Variants in ZMAT5 observed in about 807,000 individuals in gnomAD.
ZMAT5 encodes zinc finger matrin-type protein 5.
Under a neutral mutation model 28.0 loss-of-function variants are expected in ZMAT5, and 23 were observed. The observed-to-expected ratio is 0.82, with a 90% CI of 0.59 to 1.16. The LOEUF is 1.16. Among genes scored for constraint, ZMAT5 ranks in the 50% most tolerant of loss-of-function variants. ZMAT5 has a pLI of 0.00. For missense variants in ZMAT5, 173 were observed against 212.7 expected (o/e 0.81, Z 1.16); for synonymous variants, 76 against 84.1 (o/e 0.90, Z 0.52).
At chr22:29,755,397 GA>G in intron 1 of ZMAT5, among the ~76,000 whole-genome samples, 1 of 144,464 alleles carries the variant, frequency 6.9e-6, no homozygotes, top group South Asian at 2.3e-4. Context: ...GAAAGAAAAA[GA>G]AAAGAAAGAA....
At chr22:29,742,338 G>A (rs1304414523) in intron 3 of ZMAT5, 80 bp downstream of exon 3, 1 of 1,451,280 alleles carries the variant, frequency 6.9e-7, no homozygotes, top group South Asian at 1.2e-5. Flanking sequence ...GGTCGGGGAA[G>A]ACACTCTGCA....
At chr22:29,735,610 C>T (rs2067897001) in intron 5 of ZMAT5, among the ~76,000 whole-genome samples, 2 of 152,224 alleles carry the variant, frequency 1.3e-5, no homozygotes, top group South Asian at 2.1e-4. Flanking sequence ...AGCTCTCTCT[C>T]AAGTGAGGGC....
intron 1 of ZMAT5, among the ~76,000 whole-genome samples, chr22:29,757,418 G>C (rs2068113578): frequency 6.6e-6 from 1 of 152,168 alleles, no homozygotes; most frequent in African/African-American, 2.4e-5. Context: ...CCACTCTCAG[G>C]TTGTGTAACT....
At chr22:29,735,916 A>C (rs541860713) in intron 5 of ZMAT5, among the ~76,000 whole-genome samples, 1 of 152,212 alleles carries the variant, frequency 6.6e-6, no homozygotes, top group East Asian at 1.9e-4. Context: ...GGGGCACCCC[A>C]TCTCTACCCC....
intron 1 of ZMAT5, among the ~76,000 whole-genome samples, chr22:29,754,377 G>A: frequency 6.6e-6 from 1 of 152,248 alleles, no homozygotes; most frequent in African/African-American, 2.4e-5. Flanking sequence ...GCAGGTGAGA[G>A]TGCTGGCTTC....
At position 29,748,506 on chromosome 22, in the gene ZMAT5, G is replaced by A; in HGVS notation, c.39C>T (p.Ser13=). ...KRYFCDYCDR[S]FQDNLHNRKK... ...TGCGGTTGTGGAGGTTGTCCTGGAA[G>A]GAGCGGTCGCAGTAGTCACAGAAGT... Residue 13 remains serine (S), a synonymous_variant, in exon 2 of 6, where the codon TCC becomes TCT. Coordinates refer to ENST00000344318, the MANE Select transcript of ZMAT5 (RefSeq NM_001003692.2). 1 of 1,614,256 alleles carries A rather than the reference G, an allele frequency of 6.2e-7. No individual in the cohort carries two copies. The highest frequency in any genetic ancestry group is 8.5e-7 in the Non-Finnish European group (1 of 1,180,046).
At chr22:29,749,098 G>C (rs2068035077) in intron 1 of ZMAT5, among the ~76,000 whole-genome samples, 1 of 151,998 alleles carries the variant, frequency 6.6e-6, no homozygotes, top group Admixed American at 6.5e-5. Flanking sequence ...ATTTTTTTGA[G>C]ACAGAGTCTC....
At chr22:29,742,346 G>A (rs2067969893) in intron 3 of ZMAT5, 72 bp downstream of exon 3, 2 of 1,507,264 alleles carry the variant, frequency 1.3e-6, no homozygotes, top group East Asian at 4.6e-5. Flanking sequence ...AAGACACTCT[G>A]CAGAGGTCCA....
chr22:29,733,954 G>A (rs1257884513), intron 5 of ZMAT5, among the ~76,000 whole-genome samples: 1 of 152,238 alleles, frequency 6.6e-6, no homozygotes, highest in Admixed American at 6.5e-5. Flanking sequence ...TCTGCTCGTA[G>A]CTTCTCTGGT....
At chr22:29,762,135 C>A (rs1027433186) in intron 1 of ZMAT5, among the ~76,000 whole-genome samples, 3 of 151,986 alleles carry the variant, frequency 2.0e-5, no homozygotes, top group African/African-American at 7.3e-5. Context: ...AAAAGAAAAT[C>A]AAATATATTA....
intron 1 of ZMAT5, among the ~76,000 whole-genome samples, chr22:29,759,640 T>C (rs1224951771): frequency 1.3e-5 from 2 of 151,596 alleles, no homozygotes; most frequent in Admixed American, 6.6e-5. Context: ...TGGGGTGTCA[T>C]GTGTCTGTAG....
intron 5 of ZMAT5, among the ~76,000 whole-genome samples, chr22:29,735,781 G>A (rs140340856): frequency 1.8e-4 from 27 of 152,334 alleles, no homozygotes; most frequent in African/African-American, 6.5e-4. Flanking sequence ...ACTTCAACCT[G>A]TGACTAGGAG....
intron 5 of ZMAT5, among the ~76,000 whole-genome samples, chr22:29,737,056 C>T (rs131263): frequency 0.32 from 46,821 of 145,550 alleles, 8,425 homozygotes; most frequent in East Asian, 0.59. Context: ...AGTGTGGTGG[C>T]TCATGCCTGT....
rs2068029805 is a variant in ZMAT5 at position 29,748,539 on chromosome 22, C to T, written c.6G>A (p.Gly2=). The T allele has an allele frequency of 1.2e-6, 2 of 1,614,042 alleles. No individual in the cohort carries two copies. Among genetic ancestry groups the T allele is most frequent in the Non-Finnish European group, 8.5e-7 (1 of 1,180,050 alleles). The change falls in exon 2 of 6, where the codon GGG becomes GGA. Residue 2 remains glycine, a synonymous_variant. Coordinates refer to ENST00000344318, the MANE Select transcript of ZMAT5 (RefSeq NM_001003692.2). M[G]KRYFCDYCDR... is the part of the protein sequence containing the mutation. ...CGCAGTAGTCACAGAAGTATCGCTT[C>T]CCCATGGCCACTCAGAGCAGGTGCT... is the stretch of plus-strand genomic sequence containing the variant.
At chr22:29,755,538 A>G (rs954960595) in intron 1 of ZMAT5, among the ~76,000 whole-genome samples, 5 of 152,016 alleles carry the variant, frequency 3.3e-5, no homozygotes, top group African/African-American at 1.2e-4. Context: ...TTCAGATTTG[A>G]TTCCCGCTTG....
chr22:29,747,350 C>T (rs559234644), intron 2 of ZMAT5: 4 of 152,376 alleles, frequency 2.6e-5, no homozygotes, highest in Non-Finnish European at 5.9e-5. Flanking sequence ...CTTCTGGGCT[C>T]AAACAATCTT....
intron 5 of ZMAT5, among the ~76,000 whole-genome samples, chr22:29,735,669 G>C (rs1454386031): frequency 6.6e-6 from 1 of 152,212 alleles, no homozygotes; most frequent in Non-Finnish European, 1.5e-5. Flanking sequence ...CTCCTGGAGA[G>C]GTTAAGATTC....
chr22:29,751,549 G>C (rs535983573), intron 1 of ZMAT5, among the ~76,000 whole-genome samples: 34 of 152,174 alleles, frequency 2.2e-4, no homozygotes, highest in Non-Finnish European at 4.4e-4. Flanking sequence ...AACCTGTGGG[G>C]GAGGGCCTGT....
intron 5 of ZMAT5, 65 bp from the exon 6 acceptor site, chr22:29,731,419 A>C (rs1157174233): frequency 2.0e-6 from 3 of 1,508,566 alleles, no homozygotes; most frequent in Non-Finnish European, 2.6e-6. Context: ...TGCCACCCCC[A>C]GCCCACCTGC....
Sources: allele counts gnomAD v4.1 joint callset (sites outside exome capture counted in the v4.1 genomes callset), GRCh38; gene constraint gnomAD v4.1.1; transcripts MANE v1.5; gene names NCBI Gene and HGNC (gene_info 2026-07-23, HGNC 2026-07-21).